Variants in PLEKHA5 observed in about 807,000 individuals in gnomAD.
The protein encoded by PLEKHA5 is pleckstrin homology domain containing A5.
In PLEKHA5, 55 loss-of-function variants were observed where a neutral mutation model predicts 181.9. The observed-to-expected ratio is 0.30, with a 90% confidence interval of 0.24 to 0.38. The LOEUF is 0.38. PLEKHA5 is among the 10% of genes least tolerant of loss of function. PLEKHA5 has a pLI of 1.00. For synonymous variants in PLEKHA5, 535 were observed against 529.4 expected (o/e 1.01, Z -0.15); for missense variants, 1,432 against 1,549.5 (o/e 0.92, Z 1.27).
intron 15 of PLEKHA5, among the ~76,000 whole-genome samples, chr12:19,300,476 G>A (rs1382104236): frequency 6.6e-6 from 1 of 151,990 alleles, no homozygotes; most frequent in Non-Finnish European, 1.5e-5. Context: ...CATTATACCA[G>A]GCTTTGCTTC....
rs1592028306 is a variant in PLEKHA5, at chr12:19,197,691, TGTG to T, written c.228-56248_228-56246del. Among the ~76,000 whole-genome samples the T allele has an allele frequency of 3.2e-5, 4 of 123,408 alleles. No individual in the cohort carries two copies. In the East Asian group the frequency reaches 7.3e-4, roughly 23 times the overall value. 81.0% of individuals were successfully genotyped at this position (123,408 alleles called of 152,430 possible). The stretch of plus-strand genomic sequence containing the variant: ...CTATCCGGTGCTGTGTGTGTGTGTG[TGTG>T]TGTGTGTGTGTGTGTGTGTGTGTGT... On this transcript the variant is annotated intron_variant, in intron 3 of 31. Transcript: ENST00000429027.
At chr12:19,360,912 C>T (rs2095210293) in intron 28 of PLEKHA5, among the ~76,000 whole-genome samples, 1 of 152,002 alleles carries the variant, frequency 6.6e-6, no homozygotes, top group Non-Finnish European at 1.5e-5. Context: ...TGTGCCACCA[C>T]GCCCAGCTAA....
chr12:19,252,129 T>C (rs967857105), intron 3 of PLEKHA5, among the ~76,000 whole-genome samples: 3 of 152,292 alleles, frequency 2.0e-5, no homozygotes, highest in Non-Finnish European at 4.4e-5. Context: ...TATCTATATC[T>C]TTATATTAAT....
intron 3 of PLEKHA5, among the ~76,000 whole-genome samples, chr12:19,196,121 T>G (rs776582809): frequency 3.3e-5 from 5 of 152,330 alleles, no homozygotes; most frequent in Non-Finnish European, 5.9e-5. Flanking sequence ...AATAATATTT[T>G]ATTTCTACAA....
chr12:19,274,789 A>T lies in PLEKHA5; in HGVS notation c.1119A>T (p.Arg373Ser). ...GCCCTGCTCAGACTGTGCACTACAGACCAATCAACTTGAGCAGTTCAGAGA... is the reference window on the plus strand; with the variant it reads ...GCCCTGCTCAGACTGTGCACTACAGTCCAATCAACTTGAGCAGTTCAGAGA... ...SACPAQTVHY[R>S]PINLSSSENK... The change falls in exon 11 of 32, where the codon AGA becomes AGT. Residue 373 changes from arginine to serine, a missense_variant. By Grantham distance (110) the Arg-to-Ser change is moderately radical (BLOSUM62 -1). Transcript: ENST00000429027. 1 of 1,614,184 alleles carries T rather than the reference A, an allele frequency of 6.2e-7. No individual in the cohort carries two copies. Among genetic ancestry groups the T allele is most frequent in the South Asian group, 1.1e-5 (1 of 91,084 alleles).
intron 3 of PLEKHA5, among the ~76,000 whole-genome samples, chr12:19,197,741 G>A (rs747319187): frequency 7.1e-5 from 10 of 140,066 alleles, no homozygotes; most frequent in African/African-American, 1.3e-4. Flanking sequence ...TGTTTAAGTC[G>A]CCTCGTTCAC....
chr12:19,129,839 C>G lies in PLEKHA5; in HGVS notation c.40C>G (p.Arg14Gly), dbSNP rs374070195. ...DLNLEWISLP[R>G]SWTYGITRGG... ...GAACCTGGAGTGGATCTCCCTGCCC[C>G]GGTCCTGGACTTACGGGATCACCAG... Residue 14 changes from arginine (R) to glycine (G), a missense_variant, in exon 1 of 32, where the codon CGG becomes GGG. This residue lies in a region of PLEKHA5 where 289 missense variants were observed against 381.1 expected (regional missense o/e 0.76). Coordinates refer to ENST00000429027, the MANE Select transcript of PLEKHA5 (RefSeq NM_001256470.2). 127 of 1,606,582 alleles carry G rather than the reference C, an allele frequency of 7.9e-5. No homozygotes were observed. The highest frequency in any genetic ancestry group is 6.6e-4 in the South Asian group (60 of 90,416).
At chr12:19,204,392 T>A (rs182843198) in intron 3 of PLEKHA5, among the ~76,000 whole-genome samples, 1 of 152,056 alleles carries the variant, frequency 6.6e-6, no homozygotes, top group African/African-American at 2.4e-5. Context: ...TATGAAAGAG[T>A]TGTCTGGCTG....
chr12:19,306,625 TGGAGGCGGCGGC>T, intron 15 of PLEKHA5: 1 of 1,072,072 alleles, frequency 9.3e-7, no homozygotes, highest in Non-Finnish European at 1.4e-6. Context: ...GTGGCGGCGG[TGGAGGCGGCGGC>T]ATCGAGGTAA....
Position 19,340,959 on chromosome 12 carries a change from A to G in PLEKHA5, c.2551-2364A>G, listed in dbSNP as rs533483236. Among the ~76,000 whole-genome samples, 999 of 117,760 alleles carry G rather than the reference A, an allele frequency of 8.5e-3. 16 individuals are homozygous for G. Among genetic ancestry groups the G allele is most frequent in the African/African-American group, 0.031 (943 of 30,606 alleles). The allele number at this position is 117,760 out of a possible 152,430, so 77.3% of individuals were successfully genotyped here. ...AGAATGATCAATAAAAAAAAAAAAA[A>G]AAAGAAAGAAAAGAAAAATAGTTCA... On this transcript the variant is annotated intron_variant, in intron 21 of 31. Transcript: ENST00000429027.
At chr12:19,261,160 C>T in intron 7 of PLEKHA5, 139 bp downstream of exon 7, 1 of 498,814 alleles carries the variant, frequency 2.0e-6, no homozygotes, top group Non-Finnish European at 3.6e-6. Flanking sequence ...ATTTTTTCTC[C>T]TTTGACATAT....
At chr12:19,249,120 C>T (rs1290742999) in intron 3 of PLEKHA5, among the ~76,000 whole-genome samples, 1 of 152,080 alleles carries the variant, frequency 6.6e-6, no homozygotes, top group Non-Finnish European at 1.5e-5. Context: ...ATCACTTGAG[C>T]CCAGGAGTTT....
intron 3 of PLEKHA5, among the ~76,000 whole-genome samples, chr12:19,160,068 T>C (rs1434658379): frequency 1.3e-5 from 2 of 152,136 alleles, no homozygotes; most frequent in African/African-American, 4.8e-5. Flanking sequence ...AGTTAACATA[T>C]TGTTATTTAT....
At chr12:19,358,585 C>T (rs2095069442) in intron 27 of PLEKHA5, 148 bp downstream of exon 27, 2 of 607,372 alleles carry the variant, frequency 3.3e-6, no homozygotes, top group Non-Finnish European at 5.7e-6. Context: ...TAAGCTAAGA[C>T]AGCTAAGTAA....
intron 3 of PLEKHA5, among the ~76,000 whole-genome samples, chr12:19,173,540 C>T (rs1240950442): frequency 6.6e-6 from 1 of 151,968 alleles, no homozygotes; most frequent in African/African-American, 2.4e-5. Context: ...GGGAGCAGTG[C>T]TTTTTACTTT....
chr12:19,353,996 A>C lies in PLEKHA5; in HGVS notation c.3132A>C (p.Leu1044=). 6.9e-7 allele frequency: 1 copy of C among 1,451,622 alleles called. No homozygotes were observed. The highest frequency in any genetic ancestry group is 9.7e-7 in the Non-Finnish European group (1 of 1,033,116). The allele number at this position is 1,451,622 out of a possible 1,614,324, so 89.9% of individuals were successfully genotyped here. A position where few individuals can be genotyped will look rare whatever the true frequency, so the allele number is the denominator to read the frequency against. ...GGAAAACTAAGAAGATGATGGATCTAAGAACGGTATTTAACTGGAAATTAA... is the reference window on the plus strand; with the variant it reads ...GGAAAACTAAGAAGATGATGGATCTCAGAACGGTATTTAACTGGAAATTAA... ...TLRKTKKMMD[L]RTERPRSAVE... The change falls in exon 26 of 32, where the codon CTA becomes CTC. Residue 1044 remains leucine, a synonymous_variant. Coordinates refer to ENST00000429027, the MANE Select transcript of PLEKHA5 (RefSeq NM_001256470.2).
At chr12:19,290,939 C>A (rs1160188322) in intron 14 of PLEKHA5, 143 bp downstream of exon 14, 2 of 714,180 alleles carry the variant, frequency 2.8e-6, no homozygotes, top group Non-Finnish European at 4.2e-6. Context: ...CTCCTATTAA[C>A]CCTTTGAGAA....
chr12:19,301,561 C>T (rs2081468034), intron 15 of PLEKHA5, among the ~76,000 whole-genome samples: 1 of 152,130 alleles, frequency 6.6e-6, no homozygotes, highest in Non-Finnish European at 1.5e-5. Context: ...TTTGGAATGG[C>T]ACTAGCCCAG....
chr12:19,239,404 T>C (rs2062032929), intron 3 of PLEKHA5, among the ~76,000 whole-genome samples: 1 of 152,142 alleles, frequency 6.6e-6, no homozygotes, highest in African/African-American at 2.4e-5. Context: ...TATTGGAAAC[T>C]GGGTTACTTA....
Sources: gnomAD v4.1 joint callset for allele counts (sites outside exome capture counted in the v4.1 genomes callset) on GRCh38, gnomAD v4.1.1 for gene constraint, gnomAD v4.1.1 regional missense constraint, MANE v1.5 for transcripts, NCBI Gene and HGNC (gene_info 2026-07-23, HGNC 2026-07-21) for gene names.